The following SEMA3A variants were observed in gnomAD, a reference collection of about 807,000 sequenced individuals.
SEMA3A encodes the protein semaphorin 3A.
In SEMA3A, 29 loss-of-function variants were observed where a neutral mutation model predicts 97.9. The observed-to-expected ratio is 0.30, with a 90% CI of 0.22 to 0.40. The LOEUF (loss-of-function observed/expected upper bound fraction) is 0.40. SEMA3A is among the 10% of genes least tolerant of loss of function. The pLI, the probability that SEMA3A is intolerant of heterozygous loss-of-function variation, is 1.00. For missense variants in SEMA3A, 763 were observed against 951.3 expected (o/e 0.80, Z 2.60); for synonymous variants, 321 against 323.7 (o/e 0.99, Z 0.09).
At chr7:84,056,915 C>A (rs1793006182) in intron 5 of SEMA3A, among the ~76,000 whole-genome samples, 1 of 152,148 alleles carries the variant, frequency 6.6e-6, no homozygotes, top group Admixed American at 6.6e-5. Context: ...ATTACACAAG[C>A]ACCGAAAATA....
intron 2 of SEMA3A, among the ~76,000 whole-genome samples, chr7:84,361,835 G>T (rs62472622): frequency 0.063 from 9,610 of 152,050 alleles, 360 homozygotes; most frequent in East Asian, 0.13. Context: ...AGAGGAGACG[G>T]TGTCCTTCAT....
At chr7:84,178,234 G>T (rs906122995) in intron 1 of SEMA3A, among the ~76,000 whole-genome samples, 1 of 151,956 alleles carries the variant, frequency 6.6e-6, no homozygotes, top group East Asian at 1.9e-4. Flanking sequence ...TGTAAATAAG[G>T]CCTCTTTTGC....
intron 1 of SEMA3A, among the ~76,000 whole-genome samples, chr7:84,421,366 T>C (rs753777851): frequency 2.0e-4 from 31 of 151,948 alleles, no homozygotes; most frequent in Non-Finnish European, 4.3e-4. Context: ...TCAGAAGAAA[T>C]GCTAATGGGA....
intron 2 of SEMA3A, among the ~76,000 whole-genome samples, chr7:84,355,916 C>A (rs1296692573): frequency 6.7e-6 from 1 of 149,310 alleles, no homozygotes; most frequent in Non-Finnish European, 1.5e-5. Flanking sequence ...ATCTGATGAG[C>A]CCGTGGCCTT....
At chr7:84,447,755 G>A (rs1294400715) in intron 1 of SEMA3A, among the ~76,000 whole-genome samples, 2 of 152,194 alleles carry the variant, frequency 1.3e-5, no homozygotes, top group Non-Finnish European at 2.9e-5. Context: ...AACACAAACA[G>A]GTTTGAAACG....
chr7:84,300,941 A>G (rs1018581666), intron 3 of SEMA3A, among the ~76,000 whole-genome samples: 4 of 152,158 alleles, frequency 2.6e-5, no homozygotes, highest in African/African-American at 7.2e-5. Flanking sequence ...AACTCTGAAT[A>G]GATTTAAATT....
At chr7:84,313,344 ATATG>A (rs1232372051) in intron 2 of SEMA3A, among the ~76,000 whole-genome samples, 2 of 41,892 alleles carry the variant, frequency 4.8e-5, no homozygotes, top group African/African-American at 9.5e-5. Flanking sequence ...ATATATATGT[ATATG>A]TGTGTGTGTA....
At chr7:84,326,324 T>A (rs575978409) in intron 2 of SEMA3A, among the ~76,000 whole-genome samples, 64 of 152,266 alleles carry the variant, frequency 4.2e-4, no homozygotes, top group African/African-American at 1.5e-3. Flanking sequence ...TTCTATAGTA[T>A]AAAGAGACAA....
chr7:84,476,857 G>C (rs941571073), intron 1 of SEMA3A, among the ~76,000 whole-genome samples: 4 of 151,678 alleles, frequency 2.6e-5, no homozygotes, highest in African/African-American at 9.7e-5. Context: ...TTGTAACTTA[G>C]AGACATAACT....
At chr7:84,207,729 C>T (rs7804323) in intron 3 of SEMA3A, among the ~76,000 whole-genome samples, 15,233 of 152,234 alleles carry the variant, frequency 0.1, 1,165 homozygotes, top group East Asian at 0.44. Context: ...GTCAAGTCAT[C>T]TTCCTGTGGA....
chr7:84,194,982 G>A (rs1473885012), upstream of SEMA3A: 2 of 156,190 alleles, frequency 1.3e-5, no homozygotes, highest in East Asian at 1.8e-4. Flanking sequence ...TTCGGCTCCG[G>A]GGAAGCAGAA....
intron 2 of SEMA3A, among the ~76,000 whole-genome samples, chr7:84,331,691 C>T (rs1345166815): frequency 1.3e-5 from 2 of 151,978 alleles, no homozygotes; most frequent in East Asian, 3.9e-4. Context: ...CCAGATGTGG[C>T]TGCTGCTGCT....
In SEMA3A at chr7:84,090,080, C is replaced by T. The variant is rs1794515212; in HGVS notation, c.453+20390G>A. ...AATTTTAAAGATTTTGAAGTTTAAT[C>T]CCATATATTCTCTGAGTAACAAAAT... On this transcript the variant is annotated intron_variant, in intron 4 of 16. Transcript: ENST00000265362. Among the ~76,000 whole-genome samples the T allele has an allele frequency of 2.6e-5, 4 of 151,960 alleles. No individual in the cohort carries two copies. The South Asian group carries it at 8.3e-4, about 32-fold the overall frequency.
At chr7:84,286,401 A>G (rs764824992) in intron 3 of SEMA3A, among the ~76,000 whole-genome samples, 2 of 152,190 alleles carry the variant, frequency 1.3e-5, no homozygotes, top group Admixed American at 1.3e-4. Flanking sequence ...ATCCTTTAAA[A>G]ATTATTTCAA....
Position 84,282,666 on chromosome 7 carries a change from T to C in SEMA3A, c.-83+24541A>G, listed in dbSNP as rs143163345. Reference sequence around the variant, plus strand: ...TATCTATTAATAGCTGTGCTCTCTCTCACACTTTCTCCAAGAAAACCCCAC... The same window carrying C: ...TATCTATTAATAGCTGTGCTCTCTCCCACACTTTCTCCAAGAAAACCCCAC... On this transcript the variant is annotated intron_variant, in intron 3 of 3. Transcript: ENST00000424555. Among the ~76,000 whole-genome samples the C allele has an allele frequency of 2.8e-3, 426 of 152,170 alleles. 9 individuals carry two copies. In the East Asian group the frequency reaches 0.061, roughly 22 times the overall value.
chr7:84,213,386 C>T (rs1196094559), intron 3 of SEMA3A, among the ~76,000 whole-genome samples: 1 of 152,152 alleles, frequency 6.6e-6, no homozygotes, highest in Non-Finnish European at 1.5e-5. Context: ...TCAATGGATC[C>T]TCCTGCCTCA....
intron 6 of SEMA3A, among the ~76,000 whole-genome samples, chr7:84,028,359 T>C (rs931923298): frequency 1.7e-4 from 26 of 152,178 alleles, no homozygotes; most frequent in Non-Finnish European, 8.8e-5. Context: ...AAATACAATA[T>C]GTAAATACAA....
intron 3 of SEMA3A, among the ~76,000 whole-genome samples, chr7:84,226,578 T>A (rs1384005725): frequency 6.6e-6 from 1 of 152,052 alleles, no homozygotes; most frequent in Non-Finnish European, 1.5e-5. Context: ...TTAAAATAAG[T>A]GTGATTTTTA....
At chr7:84,256,710 T>C (rs2115639550) in intron 3 of SEMA3A, among the ~76,000 whole-genome samples, 1 of 152,206 alleles carries the variant, frequency 6.6e-6, no homozygotes, top group Admixed American at 6.5e-5. Flanking sequence ...TTATCCCCTT[T>C]AGTCACAAAC....
Sources: gnomAD v4.1 joint callset for allele counts (sites outside exome capture counted in the v4.1 genomes callset) on GRCh38, gnomAD v4.1.1 for gene constraint, MANE v1.5 for transcripts, NCBI Gene and HGNC (gene_info 2026-07-23, HGNC 2026-07-21) for gene names.